Variants in PRKCE observed in about 807,000 individuals in gnomAD.
The protein encoded by PRKCE is protein kinase C epsilon.
A neutral mutation model predicts 85.4 loss-of-function variants in PRKCE; 16 were observed. That is an observed-to-expected ratio of 0.19 (90% CI 0.13 to 0.28). PRKCE has a LOEUF of 0.28. PRKCE is among the 10% of genes least tolerant of loss of function. The pLI is 1.00. For missense variants in PRKCE, 573 were observed against 975.2 expected, an observed-to-expected ratio of 0.59 and a Z score of 5.49; for synonymous variants, 388 against 371.5, an observed-to-expected ratio of 1.04 and a Z score of -0.51.
At chr2:45,853,618 G>T (rs781607807) in intron 2 of PRKCE, among the ~76,000 whole-genome samples, 13 of 152,194 alleles carry the variant, frequency 8.5e-5, no homozygotes, top group Non-Finnish European at 1.9e-4. Context: ...ATTAGGTGCT[G>T]CGTACACAGT....
intron 1 of PRKCE, chr2:45,676,799 T>C (rs539128576): frequency 6.6e-6 from 1 of 152,330 alleles, no homozygotes; most frequent in East Asian, 1.9e-4. Context: ...TCCTCTTTTC[T>C]TCATAGTTTC....
At chr2:45,954,715 A>G (rs1017584185) in intron 2 of PRKCE, among the ~76,000 whole-genome samples, 3 of 152,226 alleles carry the variant, frequency 2.0e-5, no homozygotes, top group Non-Finnish European at 4.4e-5. Context: ...CAAGGAAACA[A>G]TTACTGTCAA....
rs533336808 is a variant in PRKCE at position 45,979,901 on chromosome 2, G to A, written c.608-395G>A. Among the ~76,000 whole-genome samples, 35 of 152,166 alleles carry A rather than the reference G, an allele frequency of 2.3e-4. No homozygotes were observed. The South Asian group carries it at 6.0e-3, about 26-fold the overall frequency. On this transcript the variant is annotated intron_variant, in intron 4 of 14. Coordinates refer to ENST00000306156, the MANE Select transcript of PRKCE (RefSeq NM_005400.3). ...CGCCTGCTGCAGTTCCCCCTATCAC[G>A]TCAGCCACCCTGCATGGTCCCGAGT... is the stretch of plus-strand genomic sequence containing the variant.
intron 6 of PRKCE, among the ~76,000 whole-genome samples, chr2:45,999,620 T>C (rs1295220277): frequency 6.6e-6 from 1 of 152,144 alleles, no homozygotes; most frequent in African/African-American, 2.4e-5. Context: ...TCAAGCTTCC[T>C]GGAGCTGTGG....
chr2:45,981,623 TC>T (rs1426003851), intron 5 of PRKCE, among the ~76,000 whole-genome samples: 1 of 152,208 alleles, frequency 6.6e-6, no homozygotes, highest in Non-Finnish European at 1.5e-5. Context: ...CACCTGCACC[TC>T]CCGACTCCTG....
chr2:46,106,501 A>G (rs1201515401), intron 11 of PRKCE, among the ~76,000 whole-genome samples: 1 of 152,248 alleles, frequency 6.6e-6, no homozygotes. Context: ...CTTAAACAAT[A>G]GAAATGTATT....
At chr2:46,061,986 C>A (rs991150900) in intron 10 of PRKCE, among the ~76,000 whole-genome samples, 1 of 151,798 alleles carries the variant, frequency 6.6e-6, no homozygotes, top group South Asian at 2.1e-4. Flanking sequence ...TGTCAGCCTC[C>A]CAAGTAGCTG....
At chr2:45,994,908 G>A (rs1451878154) in intron 6 of PRKCE, among the ~76,000 whole-genome samples, 1 of 152,168 alleles carries the variant, frequency 6.6e-6, no homozygotes, top group East Asian at 1.9e-4. Context: ...TACCAGCAAT[G>A]AATAAAAAGT....
At chr2:46,020,115 G>C (rs1706522459) in intron 10 of PRKCE, among the ~76,000 whole-genome samples, 1 of 152,066 alleles carries the variant, frequency 6.6e-6, no homozygotes, top group Admixed American at 6.5e-5. Context: ...CTTCCACAAT[G>C]CTAGGATTAC....
chr2:45,785,591 G>T (rs190725747), intron 1 of PRKCE, among the ~76,000 whole-genome samples: 3 of 152,206 alleles, frequency 2.0e-5, no homozygotes, highest in African/African-American at 7.2e-5. Context: ...CGCTGTAGAA[G>T]GGGAGCTACT....
Position 45,984,688 on chromosome 2 carries a change from G to T in PRKCE, c.823+8G>T. The T allele has an allele frequency of 6.3e-7, 1 of 1,596,864 alleles. No individual in the cohort carries two copies. The highest frequency in any genetic ancestry group is 1.1e-5 in the South Asian group (1 of 90,826). On this transcript the variant is annotated splice_region_variant and intron_variant, in intron 6 of 14. Coordinates refer to ENST00000306156, the MANE Select transcript of PRKCE (RefSeq NM_005400.3). Reference sequence around the variant, plus strand: ...AGGGTTTGCAGTGTAAAGGTAAGTTGCTCCCTGCCCTGCCCTCAGCCCCTG... The same window carrying T: ...AGGGTTTGCAGTGTAAAGGTAAGTTTCTCCCTGCCCTGCCCTCAGCCCCTG...
chr2:45,996,792 T>A (rs1027900790), intron 6 of PRKCE, among the ~76,000 whole-genome samples: 4 of 152,178 alleles, frequency 2.6e-5, no homozygotes, highest in African/African-American at 7.2e-5. Context: ...TATTGATCTG[T>A]AGATTTTATA....
At chr2:45,885,001 A>ATTTTTTTTT (rs55883420) in intron 2 of PRKCE, among the ~76,000 whole-genome samples, 15 of 71,526 alleles carry the variant, frequency 2.1e-4, no homozygotes, top group East Asian at 1.0e-3. Context: ...ATATATATAT[A>ATTTTTTTTT]TTTGTTGTTG....
chr2:45,853,938 T>C (rs1159879604), intron 2 of PRKCE, among the ~76,000 whole-genome samples: 1 of 152,198 alleles, frequency 6.6e-6, no homozygotes, highest in African/African-American at 2.4e-5. Flanking sequence ...TTCTTTATTC[T>C]CAAGTTTGCC....
At chr2:45,685,555 C>G (rs1024495656) in intron 1 of PRKCE, 1 of 151,706 alleles carries the variant, frequency 6.6e-6, no homozygotes, top group Non-Finnish European at 1.5e-5. Flanking sequence ...TTTGGGAGGC[C>G]GAGGTGGGCT....
intron 1 of PRKCE, among the ~76,000 whole-genome samples, chr2:45,679,072 C>T (rs941675482): frequency 6.6e-6 from 1 of 152,020 alleles, no homozygotes; most frequent in African/African-American, 2.4e-5. Context: ...TTCAAATTTT[C>T]CAAAAGAATA....
At chr2:46,112,201 A>G (rs931853006) in intron 11 of PRKCE, among the ~76,000 whole-genome samples, 1 of 152,206 alleles carries the variant, frequency 6.6e-6, no homozygotes, top group African/African-American at 2.4e-5. Context: ...TGAAGCTAAT[A>G]TAGGCACTCC....
intron 1 of PRKCE, among the ~76,000 whole-genome samples, chr2:45,748,874 A>G (rs1258997007): frequency 6.8e-6 from 1 of 147,258 alleles, no homozygotes; most frequent in Non-Finnish European, 1.5e-5. Flanking sequence ...GACTTCAAAA[A>G]CAGAGAGGGA....
intron 11 of PRKCE, among the ~76,000 whole-genome samples, chr2:46,107,041 C>G (rs1671783239): frequency 6.6e-6 from 1 of 152,188 alleles, no homozygotes; most frequent in Admixed American, 6.5e-5. Context: ...ACTCTTTGTG[C>G]TATAAAGTTT....
Sources: allele counts gnomAD v4.1 joint callset (sites outside exome capture counted in the v4.1 genomes callset), GRCh38; gene constraint gnomAD v4.1.1; transcripts MANE v1.5; gene names NCBI Gene and HGNC (gene_info 2026-07-23, HGNC 2026-07-21).